Variants in TFDP2 observed in about 807,000 individuals in gnomAD.
TFDP2 encodes transcription factor Dp-2, also known as transcription factor Dp-2 (E2F dimerization partner 2).
A neutral mutation model predicts 59.3 loss-of-function variants in TFDP2; 17 were observed. That is an observed-to-expected ratio of 0.29 (90% CI 0.20 to 0.43). TFDP2 has a LOEUF of 0.43. Ranked by LOEUF, TFDP2 falls within the 20% of genes least tolerant of loss-of-function variation. The probability of loss-of-function intolerance (pLI) is 1.00; values close to 1 mark genes in which losing one functional copy is unlikely to be tolerated. For synonymous variants in TFDP2, 180 were observed against 194.7 expected, an observed-to-expected ratio of 0.92 and a Z score of 0.63; for missense variants, 391 against 528.8, an observed-to-expected ratio of 0.74 and a Z score of 2.56.
intron 1 of TFDP2, among the ~76,000 whole-genome samples, chr3:142,107,480 C>T (rs2061512915): frequency 6.6e-6 from 1 of 152,094 alleles, no homozygotes; most frequent in Non-Finnish European, 1.5e-5. Flanking sequence ...GATCCACCCA[C>T]CTCAGCCTCC....
intron 7 of TFDP2, among the ~76,000 whole-genome samples, chr3:141,978,239 G>A (rs536945662): frequency 7.3e-5 from 11 of 151,650 alleles, no homozygotes; most frequent in Admixed American, 5.2e-4. Context: ...CAGCTACGCG[G>A]GAGGCTGAGT....
intron 1 of TFDP2, among the ~76,000 whole-genome samples, chr3:142,134,205 T>G (rs116793310): frequency 6.6e-6 from 1 of 151,286 alleles, no homozygotes; most frequent in African/African-American, 2.4e-5. Flanking sequence ...CGAAATTAGC[T>G]GGGCGTGGTG....
chr3:141,989,599 T>C (rs1942514651), intron 6 of TFDP2: 1 of 152,168 alleles, frequency 6.6e-6, no homozygotes, highest in African/African-American at 2.4e-5. Context: ...GTTGGGATGG[T>C]TCAGCTGGCC....
chr3:141,953,923 C>A (rs914266826), intron 11 of TFDP2, among the ~76,000 whole-genome samples: 1 of 152,018 alleles, frequency 6.6e-6, no homozygotes, highest in Admixed American at 6.6e-5. Context: ...ATAATCCCAG[C>A]ATTTTGGGAG....
rs114282256 is a variant in TFDP2, at chr3:142,066,607, C to T, written c.82+26454G>A. ...GTTTCTACTGAATGTGTGTCACTTTCGCACCATCATAAAGTCAAAAATTTT... is the reference window on the plus strand; with the variant it reads ...GTTTCTACTGAATGTGTGTCACTTTTGCACCATCATAAAGTCAAAAATTTT... On this transcript the variant is annotated intron_variant, in intron 3 of 12. Coordinates refer to ENST00000489671, the MANE Select transcript of TFDP2 (RefSeq NM_001178139.2). Among the ~76,000 whole-genome samples, 316 of 152,218 alleles carry T rather than the reference C, an allele frequency of 2.1e-3. 1 individual carries two copies. Among genetic ancestry groups the T allele is most frequent in the African/African-American group, 7.2e-3 (299 of 41,546 alleles).
chr3:141,972,151 G>C (rs1939859723), intron 8 of TFDP2, among the ~76,000 whole-genome samples: 1 of 152,154 alleles, frequency 6.6e-6, no homozygotes, highest in Non-Finnish European at 1.5e-5. Flanking sequence ...TGTAAAATCT[G>C]TGTGGCGTTC....
chr3:142,047,372 TATA>T (rs778785753), intron 3 of TFDP2, among the ~76,000 whole-genome samples: 5 of 152,202 alleles, frequency 3.3e-5, no homozygotes, highest in Non-Finnish European at 7.3e-5. Flanking sequence ...AGGTGTGAAT[TATA>T]ATAACACTAT....
chr3:142,113,407 T>C (rs1388579233), intron 1 of TFDP2, among the ~76,000 whole-genome samples: 1 of 152,042 alleles, frequency 6.6e-6, no homozygotes, highest in Non-Finnish European at 1.5e-5. Context: ...TACAGGCATG[T>C]GCCACCACAC....
intron 8 of TFDP2, among the ~76,000 whole-genome samples, chr3:141,973,123 A>ATATATATATATTTTTTTTTT: frequency 6.0e-4 from 35 of 58,000 alleles, no homozygotes; most frequent in Non-Finnish European, 1.0e-3. Context: ...ATATATATAT[A>ATATATATATATTTTTTTTTT]TTTTTTTTTT....
At chr3:142,098,380 C>G (rs1158638926) in intron 2 of TFDP2, among the ~76,000 whole-genome samples, 1 of 150,738 alleles carries the variant, frequency 6.6e-6, no homozygotes, top group Non-Finnish European at 1.5e-5. Flanking sequence ...ATACTAGATA[C>G]TATTTGATAG....
intron 1 of TFDP2, among the ~76,000 whole-genome samples, chr3:142,113,278 G>A (rs945403678): frequency 7.2e-6 from 1 of 139,690 alleles, no homozygotes; most frequent in Non-Finnish European, 1.7e-5. Flanking sequence ...TATTTATTTT[G>A]AGATGGAATC....
At chr3:142,100,661 C>T (rs554838900) in intron 2 of TFDP2, among the ~76,000 whole-genome samples, 130 of 152,246 alleles carry the variant, frequency 8.5e-4, no homozygotes, top group African/African-American at 3.0e-3. Context: ...GCGTGAGCCA[C>T]CATGCCTGGC....
At chr3:141,960,157 CA>C (rs1937182307) in intron 10 of TFDP2, among the ~76,000 whole-genome samples, 1 of 152,192 alleles carries the variant, frequency 6.6e-6, no homozygotes, top group South Asian at 2.1e-4. Flanking sequence ...AGCTTTGCCA[CA>C]AAAGAAAAGC....
At chr3:142,055,291 T>C (rs1475460717) in intron 3 of TFDP2, among the ~76,000 whole-genome samples, 1 of 152,232 alleles carries the variant, frequency 6.6e-6, no homozygotes, top group African/African-American at 2.4e-5. Context: ...ATTTGGTATA[T>C]GTACTTGGAT....
At chr3:141,999,619 C>A (rs1943583096) in intron 4 of TFDP2, among the ~76,000 whole-genome samples, 1 of 152,140 alleles carries the variant, frequency 6.6e-6, no homozygotes, top group African/African-American at 2.4e-5. Flanking sequence ...TTTCATGGGG[C>A]CTTTTGAAAT....
At chr3:142,125,641 G>A (rs1486779341) in intron 1 of TFDP2, among the ~76,000 whole-genome samples, 1 of 152,114 alleles carries the variant, frequency 6.6e-6, no homozygotes, top group African/African-American at 2.4e-5. Flanking sequence ...AGCTCATTGT[G>A]TATTGATATA....
intron 3 of TFDP2, among the ~76,000 whole-genome samples, chr3:142,011,848 A>C (rs1486918054): frequency 6.6e-6 from 1 of 152,116 alleles, no homozygotes; most frequent in Non-Finnish European, 1.5e-5. Flanking sequence ...CCTGCACTCA[A>C]GGGACTAACA....
intron 4 of TFDP2, among the ~76,000 whole-genome samples, chr3:141,995,883 C>CAAAAAAAA (rs146557075): frequency 5.9e-5 from 4 of 67,908 alleles, no homozygotes; most frequent in Non-Finnish European, 6.2e-5. Context: ...AACTCCATTT[C>CAAAAAAAA]AAAAAAAAAA....
intron 3 of TFDP2, among the ~76,000 whole-genome samples, chr3:142,008,097 A>T (rs1182957921): frequency 6.6e-6 from 1 of 152,160 alleles, no homozygotes; most frequent in African/African-American, 2.4e-5. Context: ...GTCCGGTGGA[A>T]TCACCTGGGG....
Sources: allele counts gnomAD v4.1 joint callset (sites outside exome capture counted in the v4.1 genomes callset), GRCh38; gene constraint gnomAD v4.1.1; transcripts MANE v1.5; gene names NCBI Gene and HGNC (gene_info 2026-07-23, HGNC 2026-07-21).